Variants in ADGRD1 observed in about 807,000 individuals in gnomAD.
The protein encoded by ADGRD1 is adhesion G protein-coupled receptor D1, also known as G-protein coupled receptor 133.
Under a neutral mutation model 113.4 loss-of-function variants are expected in ADGRD1, and 77 were observed. That is an observed-to-expected ratio of 0.68 (90% CI 0.57 to 0.82). ADGRD1 has a LOEUF of 0.82. ADGRD1 is among the 40% of genes least tolerant of loss of function. ADGRD1 has a pLI of 0.00. For missense variants in ADGRD1, 1,036 were observed against 1,139.1 expected, an observed-to-expected ratio of 0.91 and a Z score of 1.30; for synonymous variants, 474 against 475.0, an observed-to-expected ratio of 1.00 and a Z score of 0.03.
chr12:131,092,897 T>A (rs977375879), intron 15 of ADGRD1, among the ~76,000 whole-genome samples: 34 of 148,842 alleles, frequency 2.3e-4, no homozygotes, highest in Non-Finnish European at 4.6e-4. Context: ...TTTTTTTTTT[T>A]AAATAAAACA....
At chr12:131,116,208 A>G (rs1950459551) in intron 18 of ADGRD1, among the ~76,000 whole-genome samples, 1 of 152,186 alleles carries the variant, frequency 6.6e-6, no homozygotes, top group African/African-American at 2.4e-5. Context: ...TCTGCTGGAC[A>G]CAGGGGTAGA....
In ADGRD1 at chr12:130,979,752, G is replaced by A. The variant is rs114994714; in HGVS notation, c.311-2132G>A. On this transcript the variant is annotated intron_variant, in intron 4 of 24. Transcript: ENST00000261654. ...CCCATGTGCCTGGGCCAGGCTTGGC[G>A]GGGGTGAGGCAGCTGGATGTATTTC... Among the ~76,000 whole-genome samples the A allele has an allele frequency of 7.5e-3, 1,146 of 152,070 alleles. 11 individuals carry two copies. The highest frequency in any genetic ancestry group is 0.026 in the African/African-American group (1,080 of 41,462).
chr12:131,130,767 A>AGGCCGGCCC (rs1566138288), intron 20 of ADGRD1, among the ~76,000 whole-genome samples: 13 of 149,682 alleles, frequency 8.7e-5, no homozygotes, highest in African/African-American at 1.3e-4. Flanking sequence ...GGGGAGAGCG[A>AGGCCGGCCC]AGCTGGCCAT....
chr12:131,104,272 T>C (rs73149911), intron 15 of ADGRD1, among the ~76,000 whole-genome samples: 7,912 of 151,734 alleles, frequency 0.052, 341 homozygotes, highest in African/African-American at 0.11. Context: ...CACTACTTTG[T>C]GCGGGGACTG....
chr12:131,007,034 G>A (rs1877212729), intron 12 of ADGRD1, among the ~76,000 whole-genome samples: 1 of 152,258 alleles, frequency 6.6e-6, no homozygotes, highest in Non-Finnish European at 1.5e-5. Context: ...AGCTGGCCTT[G>A]CTGTGAAATA....
intron 13 of ADGRD1, among the ~76,000 whole-genome samples, chr12:131,062,994 A>G (rs1198434223): frequency 2.6e-5 from 4 of 151,668 alleles, no homozygotes; most frequent in Non-Finnish European, 4.4e-5. Context: ...GATGTTGAAA[A>G]TTTTTTCTTG....
chr12:131,035,097 C>T (rs1014259564), intron 13 of ADGRD1: 8 of 153,128 alleles, frequency 5.2e-5, no homozygotes, highest in Non-Finnish European at 7.3e-5. Context: ...TCATCTTGAA[C>T]CTCTCTCCTC....
chr12:131,122,288 T>A (rs1249751431), intron 20 of ADGRD1, among the ~76,000 whole-genome samples: 1 of 152,082 alleles, frequency 6.6e-6, no homozygotes, highest in Non-Finnish European at 1.5e-5. Context: ...CATCAGAGCC[T>A]CCCTCACAGC....
At chr12:131,081,839 C>T (rs985381577) in intron 14 of ADGRD1, among the ~76,000 whole-genome samples, 5 of 152,090 alleles carry the variant, frequency 3.3e-5, no homozygotes, top group Non-Finnish European at 5.9e-5. Flanking sequence ...ATTCAGTTAC[C>T]ATTTGAAAAA....
At chr12:131,043,815 C>T (rs1352572069) in intron 13 of ADGRD1, among the ~76,000 whole-genome samples, 1 of 152,228 alleles carries the variant, frequency 6.6e-6, no homozygotes, top group Admixed American at 6.5e-5. Flanking sequence ...CCCTGGTTCC[C>T]TCGGGAGGAT....
chr12:130,985,345 CAGACATTTTT>C (rs2136616891), intron 5 of ADGRD1, among the ~76,000 whole-genome samples: 1 of 152,276 alleles, frequency 6.6e-6, no homozygotes, highest in Non-Finnish European at 1.5e-5. Flanking sequence ...TTTCACAGAG[CAGACATTTTT>C]AGTTGTAAGG....
chr12:131,123,042 T>G (rs112139578), intron 20 of ADGRD1, among the ~76,000 whole-genome samples: 14 of 42,236 alleles, frequency 3.3e-4, no homozygotes, highest in South Asian at 1.5e-3. Flanking sequence ...CTGGGGAGTT[T>G]TTTTTTTTTT....
chr12:131,125,985 A>G (rs1381239952), intron 20 of ADGRD1, among the ~76,000 whole-genome samples: 1 of 152,196 alleles, frequency 6.6e-6, no homozygotes, highest in Non-Finnish European at 1.5e-5. Context: ...AAAAGGTGAA[A>G]AATTATTACT....
intron 13 of ADGRD1, among the ~76,000 whole-genome samples, chr12:131,059,482 A>G (rs1413142456): frequency 6.6e-6 from 1 of 152,144 alleles, no homozygotes; most frequent in African/African-American, 2.4e-5. Context: ...CGCCCAGCCC[A>G]TCCATTGAGA....
chr12:131,070,826 G>T (rs749514115), intron 13 of ADGRD1: 1 of 519,044 alleles, frequency 1.9e-6, no homozygotes, highest in Non-Finnish European at 3.8e-6. Context: ...TTATAGGTTG[G>T]CTGGCCTCTA....
At chr12:131,080,509 C>T (rs1421442896) in intron 14 of ADGRD1, among the ~76,000 whole-genome samples, 3 of 152,012 alleles carry the variant, frequency 2.0e-5, no homozygotes, top group African/African-American at 7.2e-5. Context: ...ATTATGTCTT[C>T]TATATTCTTA....
At chr12:131,101,373 C>CTTTTTTTTTTTTTTTTTTTTT (rs796951608) in intron 15 of ADGRD1, among the ~76,000 whole-genome samples, 2 of 79,352 alleles carry the variant, frequency 2.5e-5, no homozygotes, top group African/African-American at 1.1e-4. Context: ...CTTTTTCTTT[C>CTTTTTTTTTTTTTTTTTTTTT]TTTCTTTTTT....
chr12:131,038,245 C>T (rs1309181546), intron 13 of ADGRD1, among the ~76,000 whole-genome samples: 1 of 152,258 alleles, frequency 6.6e-6, no homozygotes, highest in African/African-American at 2.4e-5. Flanking sequence ...AAGCCCTGGA[C>T]TTCCCCCATC....
intron 13 of ADGRD1, among the ~76,000 whole-genome samples, chr12:131,045,118 C>T (rs1882549849): frequency 6.6e-6 from 1 of 152,250 alleles, no homozygotes; most frequent in Admixed American, 6.5e-5. Flanking sequence ...GGCCTCCAGG[C>T]AGGCACACGC....
Sources: gnomAD v4.1 joint callset for allele counts (sites outside exome capture counted in the v4.1 genomes callset) on GRCh38, gnomAD v4.1.1 for gene constraint, MANE v1.5 for transcripts, NCBI Gene and HGNC (gene_info 2026-07-23, HGNC 2026-07-21) for gene names.